The following TONSL variants were observed in gnomAD, a reference collection of about 807,000 sequenced individuals.
TONSL encodes tonsoku like, DNA repair protein.
TONSL carries 112 observed loss-of-function variants against 147.1 expected under a neutral mutation model. That is an observed-to-expected ratio of 0.76 (90% CI 0.65 to 0.89). The LOEUF is 0.89. Among genes scored for constraint, TONSL ranks in the 40% least tolerant of loss-of-function variants. TONSL has a pLI of 0.00. For synonymous variants in TONSL, 868 were observed against 801.5 expected (o/e 1.08, Z -1.40); for missense variants, 1,883 against 1,864.6 (o/e 1.01, Z -0.18).
chr8:144,442,080 C>T lies in TONSL; in HGVS notation c.822G>A (p.Gln274=). ...AGATGGCTGCCCTCTGCACAGGCTT[C>T]TGGGAGCCCAGCCTGTAGGCCTTCT... ...ALKKAYRLGS[Q]KPVQRAAICQ... The change falls in exon 7 of 26, where the codon CAG becomes CAA. Residue 274 remains glutamine, a synonymous_variant. Coordinates refer to ENST00000409379, the MANE Select transcript of TONSL (RefSeq NM_013432.5). The T allele has an allele frequency of 6.2e-7, 1 of 1,612,816 alleles. No individual in the cohort carries two copies. Among genetic ancestry groups the T allele is most frequent in the Non-Finnish European group, 8.5e-7 (1 of 1,179,930 alleles).
chr8:144,432,407 C>A lies in TONSL; in HGVS notation c.3613G>T (p.Ala1205Ser), dbSNP rs782390647. ...AGGCTCTGCAGGGTCCTGGCCAGGG[C>A]AGGGGCTCCCAGGGCGTTGTAGGAC... ...SLSYNALGAP[A>S]LARTLQSLPA... Residue 1205 changes from alanine to serine, a missense_variant, in exon 23 of 26, where the codon GCC becomes TCC. Physicochemically the swap from Ala to Ser is moderately conservative, Grantham distance 99. Coordinates refer to ENST00000409379, the MANE Select transcript of TONSL (RefSeq NM_013432.5). 40 of 1,589,602 alleles carry A rather than the reference C, an allele frequency of 2.5e-5. No individual in the cohort carries two copies. The Middle Eastern group carries it at 5.1e-4, about 20-fold the overall frequency.
At chr8:144,435,453 G>A (rs1230549949) in intron 18 of TONSL, 21 bp downstream of exon 18, 1 of 1,528,394 alleles carries the variant, frequency 6.5e-7, no homozygotes. Context: ...GGGCTGCGGG[G>A]TAGGGCAGGC....
chr8:144,438,259 G>A, intron 13 of TONSL: 2 of 601,510 alleles, frequency 3.3e-6, no homozygotes, highest in African/African-American at 1.9e-5. Context: ...CTGGAGTGCA[G>A]TGGCATGATC....
chr8:144,434,321 T>G, intron 20 of TONSL, 42 bp from the exon 21 acceptor site: 2 of 1,454,784 alleles, frequency 1.4e-6, no homozygotes, highest in Non-Finnish European at 1.8e-6. Context: ...GGCCGGCCCT[T>G]TCTGCCCTCT....
rs782701502 is a variant in TONSL, at chr8:144,434,292, T to C, written c.3086-13A>G. On this transcript the variant is annotated splice_polypyrimidine_tract_variant and intron_variant, in intron 20 of 25. Transcript: ENST00000409379. ...TGTTGGTGCTCCCCTGCGGGAGGGA[T>C]GTGATGTCACCAGGGTAAGGCCGGC... 6 of 1,501,136 alleles carry C rather than the reference T, an allele frequency of 4.0e-6. No homozygotes were observed. The highest frequency in any genetic ancestry group is 5.3e-6 in the Non-Finnish European group (6 of 1,125,696). The allele number at this position is 1,501,136 out of a possible 1,614,324, so 93.0% of individuals were successfully genotyped here.
intron 3 of TONSL, 91 bp from the exon 4 acceptor site, chr8:144,443,412 G>A: frequency 7.7e-7 from 1 of 1,299,042 alleles, no homozygotes; most frequent in Non-Finnish European, 1.1e-6. Flanking sequence ...TCTTGCTAAG[G>A]AAAGAGCCTG....
In TONSL at chr8:144,437,029, A is replaced by T; in HGVS notation, c.1724T>A (p.Leu575Gln). The T allele has an allele frequency of 6.2e-7, 1 of 1,613,254 alleles. No homozygotes were observed. The highest frequency in any genetic ancestry group is 8.5e-7 in the Non-Finnish European group (1 of 1,179,938). ...PLHEACNYGH[L>Q]EIVRFLLDHG... ...GGCTCCTTCTGTCCCTTGCTCACCT[A>T]GATGCCCGTAGTTGCAGGCCTCGTG... The change falls in exon 14 of 26, where the codon CTA becomes CAA. Residue 575 changes from leucine to glutamine, a missense_variant and splice_region_variant. By Grantham distance (113) the Leu-to-Gln change is moderately radical (BLOSUM62 -2). Transcript: ENST00000409379.
At position 144,429,153 on chromosome 8, in the gene TONSL, C is replaced by G. The variant is rs1264402952; in HGVS notation, c.4127G>C (p.Arg1376Pro). ...TLDHGSKLFFRRL is the reference protein window; with the variant it reads ...TLDHGSKLFFPRL ...AAGGCAGCGCCAGGGTCAGAGGCGC[C>G]GAAAGAAGAGCTTGGAGCCGTGGTC... is the stretch of plus-strand genomic sequence containing the variant. Residue 1376 changes from arginine (R) to proline (P), a missense_variant, in exon 26 of 26, where the codon CGG becomes CCG. Transcript: ENST00000409379. The G allele has an allele frequency of 7.8e-6, 12 of 1,529,836 alleles. No homozygotes were observed. The highest frequency in any genetic ancestry group is 9.6e-6 in the Non-Finnish European group (11 of 1,143,646). 94.8% of individuals were successfully genotyped at this position (1,529,836 alleles called of 1,614,324 possible).
intron 7 of TONSL, 112 bp downstream of exon 7, chr8:144,441,925 G>A: frequency 1.1e-6 from 1 of 875,792 alleles, no homozygotes; most frequent in Non-Finnish European, 1.8e-6. Context: ...CAGGTGCTCA[G>A]GCCTCCTCTG....
chr8:144,435,821 C>A lies in TONSL; in HGVS notation c.2612G>T (p.Arg871Met), dbSNP rs1174315226. Residue 871 changes from arginine to methionine, a missense_variant, in exon 17 of 26, where the codon AGG becomes ATG. Physicochemically the swap from Arg to Met is moderately conservative, Grantham distance 91. Transcript: ENST00000409379. ...STSGSDSEES[R>M]PRARAKQVRL... ...GACCTGCTTGGCTCGGGCACGGGGC[C>A]TGCTCTCCTCACTGTCCGACCCAGA... 1.2e-6 allele frequency: 2 copies of A among 1,612,740 alleles called. No individual in the cohort carries two copies. The highest frequency in any genetic ancestry group is 4.5e-5 in the East Asian group (2 of 44,856).
chr8:144,441,416 C>CG (rs1823712675), intron 7 of TONSL: 1 of 296,648 alleles, frequency 3.4e-6, no homozygotes, highest in African/African-American at 2.1e-5. Flanking sequence ...CATGGTGAAA[C>CG]CTCGTCTCTA....
At chr8:144,438,836 C>G in intron 11 of TONSL, 101 bp from the exon 12 acceptor site, 1 of 1,267,726 alleles carries the variant, frequency 7.9e-7, no homozygotes, top group East Asian at 2.5e-5. Context: ...TACAAAGGAG[C>G]CAGAGACGGG....
Position 144,440,382 on chromosome 8 carries a change from C to T in TONSL, c.1259G>A (p.Cys420Tyr). Residue 420 changes from cysteine (C) to tyrosine (Y), a missense_variant, in exon 10 of 26, where the codon TGT becomes TAT. Cys to Tyr is a radical substitution (Grantham distance 194). Coordinates refer to ENST00000409379, the MANE Select transcript of TONSL (RefSeq NM_013432.5). The stretch of plus-strand genomic sequence containing the variant: ...CTGGGGACGCTGGGCCTGCTGGGCA[C>T]AGCTGAGCGCTTTCTGGAAGCACGG... Reference protein sequence around the residue: ...LAPCFQKALSCAQQAQRPQLQ... With the variant: ...LAPCFQKALSYAQQAQRPQLQ... 1.2e-6 allele frequency: 2 copies of T among 1,606,124 alleles called. No individual in the cohort carries two copies. The highest frequency in any genetic ancestry group is 1.7e-6 in the Non-Finnish European group (2 of 1,175,504).
chr8:144,444,054 G>C, intron 2 of TONSL, 30 bp from the exon 3 acceptor site: 1 of 1,488,242 alleles, frequency 6.7e-7, no homozygotes, highest in Non-Finnish European at 8.9e-7. Context: ...GGCCTGGCAG[G>C]CGTCGCGGGT....
chr8:144,430,907 G>A (rs376516480), intron 24 of TONSL, among the ~76,000 whole-genome samples, 171 bp downstream of exon 24: 11 of 152,376 alleles, frequency 7.2e-5, no homozygotes, highest in Admixed American at 2.0e-4. Context: ...GAAGCCAGAG[G>A]GTAGTCTGCC....
chr8:144,442,287 A>G lies in TONSL; in HGVS notation c.704T>C (p.Met235Thr). 6.3e-7 allele frequency: 1 copy of G among 1,597,656 alleles called. No individual in the cohort carries two copies. The highest frequency in any genetic ancestry group is 2.2e-5 in the East Asian group (1 of 44,486). Residue 235 changes from methionine to threonine, a missense_variant, in exon 6 of 26, where the codon ATG (methionine) becomes ACG (threonine). Coordinates refer to ENST00000409379, the MANE Select transcript of TONSL (RefSeq NM_013432.5). ...LEGARECAHTMRKRFMESECC... is the reference protein window; with the variant it reads ...LEGARECAHTTRKRFMESECC... ...CTCGCTCTCCATGAACCGCTTCCTC[A>G]TGGTGTGCGCACACTCCCGGGCACC...
At position 144,435,999 on chromosome 8, in the gene TONSL, G is replaced by A. The variant is rs115515600; in HGVS notation, c.2434C>T (p.Arg812Trp). The A allele has an allele frequency of 1.1e-5, 17 of 1,551,782 alleles. No individual in the cohort carries two copies. Among genetic ancestry groups the A allele is most frequent in the African/African-American group, 6.8e-5 (5 of 73,838 alleles). ...AQSRLGPGPP[R>W]GHSKALAPQA... ...GGGGCAAGGGCTTTGCTGTGGCCCC[G>A]CGGTGGGCCAGGCCCCAGCCGGCTC... The change falls in exon 17 of 26, where the codon CGG becomes TGG. Residue 812 changes from arginine to tryptophan, a missense_variant. Physicochemically the swap from Arg to Trp is moderately radical, Grantham distance 101. Transcript: ENST00000409379.
chr8:144,432,202 G>C, intron 23 of TONSL, 83 bp downstream of exon 23: 1 of 1,451,678 alleles, frequency 6.9e-7, no homozygotes, highest in Non-Finnish European at 9.5e-7. Flanking sequence ...CCCGAATCTG[G>C]GGAGAGGCGA....
chr8:144,436,069 G>C lies in TONSL; in HGVS notation c.2364C>G (p.Ser788Arg). 6.4e-7 allele frequency: 1 copy of C among 1,570,226 alleles called. No homozygotes were observed. The highest frequency in any genetic ancestry group is 8.6e-7 in the Non-Finnish European group (1 of 1,165,078). ...SNREAATAST[S>R]RAAYQAAIRG... ...GGATGGCTGCCTGGTAGGCTGCCCG[G>C]CTGGTGCTGGCTGTGGCTGCTTCCC... is the stretch of plus-strand genomic sequence containing the variant. Residue 788 changes from serine to arginine, a missense_variant, in exon 17 of 26, where the codon AGC (serine) becomes AGG (arginine). Transcript: ENST00000409379.
Sources: gnomAD v4.1 joint callset for allele counts (sites outside exome capture counted in the v4.1 genomes callset) on GRCh38, gnomAD v4.1.1 for gene constraint, MANE v1.5 for transcripts, NCBI Gene and HGNC (gene_info 2026-07-23, HGNC 2026-07-21) for gene names.